MZT2B: variants seen among roughly 807,000 people sequenced by gnomAD.
MZT2B encodes mitotic-spindle organizing protein 2B.
Under a neutral mutation model 12.1 loss-of-function variants are expected in MZT2B, and 11 were observed. The observed-to-expected ratio is 0.91, with a 90% CI of 0.57 to 1.50. The LOEUF (loss-of-function observed/expected upper bound fraction) is 1.50, where lower values mean the gene tolerates loss of function less well. MZT2B is among the 40% of genes most tolerant of loss of function. The probability of loss-of-function intolerance (pLI) is 0.00; values close to 1 mark genes in which losing one functional copy is unlikely to be tolerated. For synonymous variants in MZT2B, 85 were observed against 109.5 expected (o/e 0.78, Z 1.40); for missense variants, 209 against 227.7 (o/e 0.92, Z 0.53).
chr2:130,195,096 C>G, downstream of MZT2B: 2 of 1,613,114 alleles, frequency 1.2e-6, no homozygotes, highest in Non-Finnish European at 1.7e-6. Flanking sequence ...CGGATCCGGT[C>G]CAGGACTAGG....
intron 2 of MZT2B, chr2:130,184,516 C>T (rs1689981187): frequency 3.0e-6 from 3 of 985,270 alleles, no homozygotes; most frequent in Non-Finnish European, 3.6e-6. Flanking sequence ...TGATCAGGGG[C>T]TCAGAGCCAG....
At chr2:130,194,240 G>T (rs777368405), downstream of MZT2B, 23 of 1,612,034 alleles carry the variant, frequency 1.4e-5, no homozygotes, top group Admixed American at 1.7e-5. Flanking sequence ...GACCATGAAG[G>T]CACAGTCAGA....
At chr2:130,184,642 G>A (rs1689987149) in intron 2 of MZT2B, 3 of 985,260 alleles carry the variant, frequency 3.0e-6, no homozygotes, top group South Asian at 4.7e-5. Flanking sequence ...GGGGCTGAGG[G>A]ACAGGCCTGG....
At chr2:130,202,005 T>C in the MZT2B span, among the ~76,000 whole-genome samples, 2 of 152,222 alleles carry the variant, frequency 1.3e-5, no homozygotes, top group Non-Finnish European at 2.9e-5. Flanking sequence ...ATTTTTCTGA[T>C]TATAAAAGTA....
At chr2:130,190,413 G>A (rs926195183) in intron 2 of MZT2B, 56 bp from the exon 3 acceptor site, 119 of 1,596,752 alleles carry the variant, frequency 7.5e-5, no homozygotes, top group Admixed American at 1.0e-4. Flanking sequence ...AGTACAGCAG[G>A]TGCTGCAGTT....
At chr2:130,184,066 C>T (rs1439269713) in intron 2 of MZT2B, 2 of 1,549,364 alleles carry the variant, frequency 1.3e-6, no homozygotes, top group Non-Finnish European at 8.7e-7. Flanking sequence ...GCTCCAAGGG[C>T]AGGACCATGC....
At chr2:130,189,875 A>G (rs749222861) in intron 2 of MZT2B, among the ~76,000 whole-genome samples, 1 of 152,238 alleles carries the variant, frequency 6.6e-6, no homozygotes, top group Non-Finnish European at 1.5e-5. Context: ...GAACCCTGTC[A>G]TGGAATCTGG....
Position 130,183,671 on chromosome 2 carries a change from T to A in MZT2B, c.319+896T>A, listed in dbSNP as rs1049261448. ...GAGCAGGCTGCCTTCATGGGGGGAG[T>A]GCCAGGGCCTGGGCACCCACACCCG... On this transcript the variant is annotated intron_variant, in intron 2 of 2. Coordinates refer to ENST00000281871, the MANE Select transcript of MZT2B (RefSeq NM_025029.5). 3 of 1,522,022 alleles carry A rather than the reference T, an allele frequency of 2.0e-6. No individual in the cohort carries two copies. In the African/African-American group the frequency reaches 4.2e-5, roughly 21 times the overall value. The allele number at this position is 1,522,022 out of a possible 1,614,324, so 94.3% of individuals were successfully genotyped here.
upstream of MZT2B, chr2:130,181,738 G>A (rs1047686894): frequency 6.5e-7 from 1 of 1,548,716 alleles, no homozygotes; most frequent in Non-Finnish European, 8.7e-7. Flanking sequence ...CAGGAGTGCG[G>A]GGGAGGGAGT....
intron 2 of MZT2B, among the ~76,000 whole-genome samples, chr2:130,188,886 T>C (rs541121577): frequency 4.9e-4 from 74 of 151,698 alleles, no homozygotes; most frequent in African/African-American, 9.5e-4. Context: ...CTAATGGATC[T>C]CTAGACACCC....
chr2:130,192,842 C>A (rs1342474750), downstream of MZT2B, among the ~76,000 whole-genome samples: 1 of 152,086 alleles, frequency 6.6e-6, no homozygotes, highest in Non-Finnish European at 1.5e-5. Context: ...AAGCCTGTGA[C>A]CCCAGCACTT....
At chr2:130,204,127 C>G in the MZT2B span, 1 of 1,278,870 alleles carries the variant, frequency 7.8e-7, no homozygotes, top group Non-Finnish European at 1.0e-6. Flanking sequence ...CCTTCCAGAC[C>G]TTTGTTAAGC....
downstream of MZT2B, chr2:130,193,705 C>T: frequency 6.5e-7 from 1 of 1,532,852 alleles, no homozygotes; most frequent in Non-Finnish European, 8.8e-7. Flanking sequence ...ATAGTCTCCC[C>T]AAAGGATGTG....
chr2:130,182,884 G>C, intron 2 of MZT2B, 109 bp downstream of exon 2: 1 of 1,471,010 alleles, frequency 6.8e-7, no homozygotes, highest in Non-Finnish European at 9.0e-7. Flanking sequence ...CCTGTCTGTC[G>C]GTCTAGGCCC....
At chr2:130,190,157 C>T (rs1024363678) in intron 2 of MZT2B, among the ~76,000 whole-genome samples, 2 of 152,214 alleles carry the variant, frequency 1.3e-5, no homozygotes, top group African/African-American at 2.4e-5. Flanking sequence ...TGGACCAGCA[C>T]ACCTACCTTT....
downstream of MZT2B, chr2:130,192,179 A>G (rs1394202405): frequency 2.6e-6 from 4 of 1,550,580 alleles, no homozygotes; most frequent in Non-Finnish European, 3.5e-6. Flanking sequence ...CAAACCTAGA[A>G]ATGGTAGCTA....
chr2:130,189,936 G>T (rs1052016658), intron 2 of MZT2B, among the ~76,000 whole-genome samples: 1 of 152,184 alleles, frequency 6.6e-6, no homozygotes, highest in Admixed American at 6.5e-5. Flanking sequence ...ACTCGGGTAG[G>T]TAGGAAACAA....
At chr2:130,192,349 C>G (rs1193054014), downstream of MZT2B, among the ~76,000 whole-genome samples, 1 of 152,164 alleles carries the variant, frequency 6.6e-6, no homozygotes, top group African/African-American at 2.4e-5. Context: ...GGATCCCAAG[C>G]TACCTAAAGG....
Position 130,182,608 on chromosome 2 carries a change from C to G in MZT2B, c.171-19C>G. ...GCCGGGCGGAGAGGGCTCACCGGCC[C>G]CGCGTCTGTCCCCGCCAGGATCCTG... is the stretch of plus-strand genomic sequence containing the variant. On this transcript the variant is annotated intron_variant, in intron 1 of 2. Coordinates refer to ENST00000281871, the MANE Select transcript of MZT2B (RefSeq NM_025029.5). 4 of 1,551,202 alleles carry G rather than the reference C, an allele frequency of 2.6e-6. No homozygotes were observed. Among genetic ancestry groups the G allele is most frequent in the Non-Finnish European group, 3.5e-6 (4 of 1,149,076 alleles).
Sources: allele counts gnomAD v4.1 joint callset (sites outside exome capture counted in the v4.1 genomes callset), GRCh38; gene constraint gnomAD v4.1.1; transcripts MANE v1.5; gene names NCBI Gene and HGNC (gene_info 2026-07-23, HGNC 2026-07-21).